Variants in PPFIBP2 observed in about 807,000 individuals in gnomAD.
The protein encoded by PPFIBP2 is PPFIB scaffold protein 2.
PPFIBP2 carries 118 observed loss-of-function variants against 118.3 expected under a neutral mutation model. That is an observed-to-expected ratio of 1.00 (90% CI 0.86 to 1.16). The LOEUF (loss-of-function observed/expected upper bound fraction) is 1.16, where lower values mean the gene tolerates loss of function less well. PPFIBP2 is among the 50% of genes most tolerant of loss of function. The pLI, the probability that PPFIBP2 is intolerant of heterozygous loss-of-function variation, is 0.00. For missense variants in PPFIBP2, 1,195 were observed against 1,073.1 expected (o/e 1.11, Z -1.59); for synonymous variants, 414 against 397.4 (o/e 1.04, Z -0.50).
chr11:7,633,070 G>A (rs1371926907), intron 12 of PPFIBP2, 136 bp downstream of exon 12: 3 of 756,076 alleles, frequency 4.0e-6, no homozygotes, highest in Non-Finnish European at 6.6e-6. Context: ...TGTTGTTAGG[G>A]CAGTTACAAA....
chr11:7,602,829 A>G (rs1309962471), intron 5 of PPFIBP2, among the ~76,000 whole-genome samples: 2 of 152,130 alleles, frequency 1.3e-5, no homozygotes, highest in African/African-American at 4.8e-5. Context: ...GGGGATTAAG[A>G]GTTCATGGAT....
At chr11:7,638,010 C>A (rs1851671073) in intron 14 of PPFIBP2, among the ~76,000 whole-genome samples, 1 of 152,194 alleles carries the variant, frequency 6.6e-6, no homozygotes, top group African/African-American at 2.4e-5. Context: ...CTTCCCCCCT[C>A]CATATGTCGT....
chr11:7,514,592 G>A (rs761725092), intron 1 of PPFIBP2, among the ~76,000 whole-genome samples: 1 of 152,194 alleles, frequency 6.6e-6, no homozygotes, highest in Non-Finnish European at 1.5e-5. Context: ...GCAGGGCCTC[G>A]GCTAAAGCCA....
chr11:7,602,777 A>G (rs946011848), intron 5 of PPFIBP2, among the ~76,000 whole-genome samples: 1 of 151,876 alleles, frequency 6.6e-6, no homozygotes, highest in Non-Finnish European at 1.5e-5. Context: ...AGGCAACTTC[A>G]TTTTTTTTAC....
intron 1 of PPFIBP2, among the ~76,000 whole-genome samples, chr11:7,531,368 CATCTGGTCAGGCTGCAGG>C (rs1315007343): frequency 6.6e-6 from 1 of 152,174 alleles, no homozygotes; most frequent in Non-Finnish European, 1.5e-5. Flanking sequence ...TGCAGCTTGA[CATCTGGTCAGGCTGCAGG>C]ATCTTAGGGT....
intron 2 of PPFIBP2, among the ~76,000 whole-genome samples, chr11:7,550,163 G>A (rs896431800): frequency 1.3e-5 from 2 of 152,206 alleles, no homozygotes; most frequent in African/African-American, 4.8e-5. Flanking sequence ...CTTCATGGGA[G>A]CAACCAGAAG....
intron 4 of PPFIBP2, chr11:7,597,304 C>T: frequency 6.5e-7 from 1 of 1,535,632 alleles, no homozygotes; most frequent in East Asian, 2.4e-5. Context: ...GGGTGTTTTA[C>T]TCTTGAGTCT....
intron 3 of PPFIBP2, among the ~76,000 whole-genome samples, chr11:7,586,062 A>G (rs1858116064): frequency 6.6e-6 from 1 of 152,272 alleles, no homozygotes; most frequent in South Asian, 2.1e-4. Context: ...AAGTGAACTC[A>G]TCTTTGGCAA....
At chr11:7,578,287 G>A (rs918306284) in intron 3 of PPFIBP2, among the ~76,000 whole-genome samples, 4 of 152,248 alleles carry the variant, frequency 2.6e-5, no homozygotes, top group Non-Finnish European at 5.9e-5. Flanking sequence ...TTTTGTGGCT[G>A]CCTTTAAATT....
intron 16 of PPFIBP2, 96 bp from the exon 17 acceptor site, chr11:7,642,202 T>G (rs987452590): frequency 6.2e-6 from 9 of 1,452,280 alleles, no homozygotes; most frequent in Non-Finnish European, 8.5e-6. Flanking sequence ...CGAGAGTCCC[T>G]GTGCTGGCCT....
chr11:7,654,393 C>T (rs1032403365), downstream of PPFIBP2, among the ~76,000 whole-genome samples: 9 of 152,314 alleles, frequency 5.9e-5, no homozygotes, highest in East Asian at 1.5e-3. Context: ...CCCTCAATCC[C>T]CTGGGCCTCA....
chr11:7,597,688 A>G lies in PPFIBP2; in HGVS notation c.486+15A>G, dbSNP rs1860611203. 4 of 1,602,374 alleles carry G rather than the reference A, an allele frequency of 2.5e-6. No individual in the cohort carries two copies. The highest frequency in any genetic ancestry group is 1.3e-5 in the African/African-American group (1 of 74,694). Reference sequence around the variant, plus strand: ...TGCTTCAACAGGTAAGGGCGGGTGCACTGAAGGCCCTTGGGTGCCGAAGCA... The same window carrying G: ...TGCTTCAACAGGTAAGGGCGGGTGCGCTGAAGGCCCTTGGGTGCCGAAGCA... On this transcript the variant is annotated intron_variant, in intron 5 of 23. Coordinates refer to ENST00000299492, the MANE Select transcript of PPFIBP2 (RefSeq NM_003621.5).
In PPFIBP2 at chr11:7,639,772, C is replaced by T. The variant is rs1206023437; in HGVS notation, c.1277C>T (p.Pro426Leu). 1.1e-5 allele frequency: 18 copies of T among 1,614,026 alleles called. No individual in the cohort carries two copies. Among genetic ancestry groups the T allele is most frequent in the East Asian group, 2.2e-5 (1 of 44,894 alleles). Reference protein sequence around the residue: ...FLAEHKYPTLPGKLSGATPNG... With the variant: ...FLAEHKYPTLLGKLSGATPNG... ...GCGGAGCACAAATATCCCACTTTAC[C>T]TGGGAAGCTTTCAGGAGCCACGCCC... Residue 426 changes from proline (P) to leucine (L), a missense_variant, in exon 15 of 24, where the codon CCT becomes CTT. Pro to Leu is a moderately conservative substitution (Grantham distance 98, BLOSUM62 -3). Transcript: ENST00000299492.
intron 2 of PPFIBP2, among the ~76,000 whole-genome samples, chr11:7,556,737 G>C (rs932681429): frequency 6.6e-6 from 1 of 152,118 alleles, no homozygotes. Context: ...TCATAATCTT[G>C]AATGATAGTT....
chr11:7,589,548 G>A lies in PPFIBP2; in HGVS notation c.280-3584G>A, dbSNP rs948391505. On this transcript the variant is annotated intron_variant, in intron 3 of 23. Transcript: ENST00000299492. ...GCAGAGGTTGCAGTGAGCCTAGATCGCACCACTGCACTCCAGCCTGGTGAC... is the reference window on the plus strand; with the variant it reads ...GCAGAGGTTGCAGTGAGCCTAGATCACACCACTGCACTCCAGCCTGGTGAC... 4.6e-5 allele frequency among the ~76,000 whole-genome samples: 7 copies of A among 151,426 alleles called. No homozygotes were observed. The East Asian group carries it at 7.8e-4, about 17-fold the overall frequency.
At chr11:7,617,072 A>T in intron 6 of PPFIBP2, 1 of 964,830 alleles carries the variant, frequency 1.0e-6, no homozygotes, top group Non-Finnish European at 1.2e-6. Context: ...GAGCTGTCTG[A>T]CCTGGAGTGC....
At chr11:7,552,621 A>G (rs550247127) in intron 2 of PPFIBP2, among the ~76,000 whole-genome samples, 31 of 152,258 alleles carry the variant, frequency 2.0e-4, no homozygotes, top group African/African-American at 7.2e-4. Context: ...AAACTCCTCA[A>G]TGGCTTCCCA....
chr11:7,525,425 A>G (rs929910540), intron 1 of PPFIBP2, among the ~76,000 whole-genome samples: 6 of 150,994 alleles, frequency 4.0e-5, no homozygotes, highest in East Asian at 1.9e-4. Context: ...GAAATCATTT[A>G]TCAAGAGATA....
Position 7,625,092 on chromosome 11 carries a change from A to G in PPFIBP2, c.712-685A>G, listed in dbSNP as rs186132944. 1.5e-3 allele frequency among the ~76,000 whole-genome samples: 234 copies of G among 152,332 alleles called. 3 individuals are homozygous for G. Among genetic ancestry groups the G allele is most frequent in the African/African-American group, 5.3e-3 (221 of 41,562 alleles). On this transcript the variant is annotated intron_variant, in intron 7 of 23. Transcript: ENST00000299492. The stretch of plus-strand genomic sequence containing the variant: ...TGCAGCTGCCTGTTTGTGTGCAAAT[A>G]TGAATGTATGTGTGTACTTATGAGC...
Sources: gnomAD v4.1 joint callset for allele counts (sites outside exome capture counted in the v4.1 genomes callset) on GRCh38, gnomAD v4.1.1 for gene constraint, MANE v1.5 for transcripts, NCBI Gene and HGNC (gene_info 2026-07-23, HGNC 2026-07-21) for gene names.